NBPF15: variants seen among roughly 807,000 people sequenced by gnomAD.
NBPF15 encodes the protein NBPF family member NBPF15.
In NBPF15, 74 loss-of-function variants were observed where a neutral mutation model predicts 62.2. The observed-to-expected ratio is 1.19, with a 90% CI of 0.99 to 1.44. The LOEUF (loss-of-function observed/expected upper bound fraction) is 1.44, where lower values mean the gene tolerates loss of function less well. NBPF15 is among the 40% of genes most tolerant of loss of function. The pLI, the probability that NBPF15 is intolerant of heterozygous loss-of-function variation, is 0.00. For missense variants in NBPF15, 790 were observed against 550.0 expected (o/e 1.44, Z -4.36); for synonymous variants, 244 against 209.7 (o/e 1.16, Z -1.41).
rs1340485358 is a variant in NBPF15, at chr1:144,441,755, T to A, written c.-190-1460A>T. Among the ~76,000 whole-genome samples the A allele has an allele frequency of 3.3e-5, 5 of 151,804 alleles. 1 individual carries two copies. The South Asian group carries it at 1.0e-3, about 32-fold the overall frequency. On this transcript the variant is annotated intron_variant, in intron 6 of 21. Coordinates refer to ENST00000581897, the MANE Select transcript of NBPF15 (RefSeq NM_001385408.1). The stretch of plus-strand genomic sequence containing the variant: ...ATTTTTCCTTTACAAGGTTTCTAAT[T>A]TAACTTTCACATCTTAAGTTAATTT...
intron 5 of NBPF15, 36 bp from the exon 6 acceptor site, chr1:144,448,952 C>A: frequency 3.7e-6 from 1 of 268,000 alleles, no homozygotes. Flanking sequence ...TTTACCTCCC[C>A]AGAGGAAAAG....
Position 144,423,097 on chromosome 1 carries a change from G to A in NBPF15, c.1929C>T (p.Ala643=), listed in dbSNP as rs782269306. Reference sequence around the variant, plus strand: ...TAAAAAACCTATTGTCCACGTAAAGGGCGAAGCTGATATGCTCTTCCTCAA... The same window carrying A: ...TAAAAAACCTATTGTCCACGTAAAGAGCGAAGCTGATATGCTCTTCCTCAA... ...YSFEEEHISF[A]LYVDNRFFTL... is the part of the protein sequence containing the mutation. Residue 643 remains alanine, a synonymous_variant, in exon 22 of 22, where the codon GCC becomes GCT. Coordinates refer to ENST00000581897, the MANE Select transcript of NBPF15 (RefSeq NM_001385408.1). 1.9e-6 allele frequency: 3 copies of A among 1,611,604 alleles called. No individual in the cohort carries two copies. In the South Asian group the frequency reaches 3.3e-5, roughly 18 times the overall value.
At position 144,439,797 on chromosome 1, in the gene NBPF15, C is replaced by T. The variant is rs1553542201; in HGVS notation, c.175+32G>A. On this transcript the variant is annotated intron_variant, in intron 8 of 21. Transcript: ENST00000581897. ...AGAGAGAAGACAGGACATCATTCATCACTTTCATGACGGTGAGCCTATAGA... is the reference window on the plus strand; with the variant it reads ...AGAGAGAAGACAGGACATCATTCATTACTTTCATGACGGTGAGCCTATAGA... 10 of 1,540,140 alleles carry T rather than the reference C, an allele frequency of 6.5e-6. 1 individual carries two copies. Among genetic ancestry groups the T allele is most frequent in the East Asian group, 2.2e-5 (1 of 44,560 alleles).
chr1:144,447,874 T>A (rs1553544634), intron 6 of NBPF15, among the ~76,000 whole-genome samples: 1 of 151,630 alleles, frequency 6.6e-6, no homozygotes, highest in Non-Finnish European at 1.5e-5. Flanking sequence ...GGTTGAAGAG[T>A]ACACAGAGAC....
rs782661793 is a variant in NBPF15 at position 144,426,391 on chromosome 1, C to G, written c.1325G>C (p.Arg442Thr). The change falls in exon 18 of 22, where the codon AGA (arginine) becomes ACA (threonine). Residue 442 changes from arginine (R) to threonine (T), a missense_variant. By Grantham distance (71) the Arg-to-Thr change is moderately conservative (BLOSUM62 -1). Transcript: ENST00000581897. ...ATAATCTGAAGGAGTCGAATAACAT[C>G]TATCCAGTGAGTCCTGCAAGACTTC... Reference protein sequence around the residue: ...EPEVLQDSLDRCYSTPSDYLE... With the variant: ...EPEVLQDSLDTCYSTPSDYLE... 1.2e-6 allele frequency: 1 copy of G among 829,350 alleles called. No homozygotes were observed. The highest frequency in any genetic ancestry group is 2.1e-6 in the Non-Finnish European group (1 of 465,124). 51.4% of individuals were successfully genotyped at this position (829,350 alleles called of 1,614,324 possible).
chr1:144,428,943 T>A (rs1428825611), intron 14 of NBPF15, among the ~76,000 whole-genome samples: 1 of 152,038 alleles, frequency 6.6e-6, no homozygotes, highest in Admixed American at 6.6e-5. Context: ...CAATAAATTG[T>A]AGGCAAATAG....
At chr1:144,449,807 ATGTC>A (rs1225367600) in intron 5 of NBPF15, among the ~76,000 whole-genome samples, 1 of 151,636 alleles carries the variant, frequency 6.6e-6, no homozygotes, top group Non-Finnish European at 1.5e-5. Flanking sequence ...TTGTTATTCT[ATGTC>A]TGTCCCATCA....
intron 3 of NBPF15, among the ~76,000 whole-genome samples, chr1:144,458,867 CA>C (rs113302061): frequency 2.0e-5 from 3 of 151,646 alleles, no homozygotes; most frequent in South Asian, 4.2e-4. Flanking sequence ...TGTTGAATCC[CA>C]ATCTCTACAA....
At chr1:144,458,791 A>T (rs1324326192) in intron 3 of NBPF15, among the ~76,000 whole-genome samples, 1 of 152,090 alleles carries the variant, frequency 6.6e-6, no homozygotes, top group Non-Finnish European at 1.5e-5. Context: ...TGTAATCCCC[A>T]CACTCTGGGA....
At chr1:144,432,250 G>A (rs1266781313) in intron 13 of NBPF15, among the ~76,000 whole-genome samples, 1 of 151,786 alleles carries the variant, frequency 6.6e-6, no homozygotes, top group Non-Finnish European at 1.5e-5. Flanking sequence ...TTACAGAGAA[G>A]CAAATGCTGA....
intron 20 of NBPF15, among the ~76,000 whole-genome samples, chr1:144,424,466 T>C (rs1430640039): frequency 1.3e-5 from 2 of 151,958 alleles, no homozygotes; most frequent in Non-Finnish European, 1.5e-5. Context: ...AGAATCAGAG[T>C]GCCACAGGCA....
At chr1:144,423,757 G>A (rs1449661880) in intron 21 of NBPF15, 113 bp downstream of exon 21, 3 of 703,534 alleles carry the variant, frequency 4.3e-6, no homozygotes, top group African/African-American at 3.5e-5. Flanking sequence ...AATGACAGTA[G>A]GAGTAATTCA....
chr1:144,447,760 T>C (rs1688606708), intron 6 of NBPF15, among the ~76,000 whole-genome samples: 1 of 152,104 alleles, frequency 6.6e-6, no homozygotes, highest in African/African-American at 2.4e-5. Flanking sequence ...TTTCAACTGT[T>C]GTTCCAACAG....
chr1:144,428,197 A>G (rs1571112484), intron 15 of NBPF15, among the ~76,000 whole-genome samples: 1 of 151,548 alleles, frequency 6.6e-6, no homozygotes, highest in East Asian at 1.9e-4. Context: ...ACACACACAC[A>G]CACACACACA....
At chr1:144,434,422 A>T (rs1372108764) in intron 12 of NBPF15, among the ~76,000 whole-genome samples, 1 of 148,208 alleles carries the variant, frequency 6.7e-6, no homozygotes, top group African/African-American at 2.5e-5. Flanking sequence ...AATCACTTGA[A>T]TCTGGGAGGG....
At chr1:144,442,561 C>T (rs1297990992) in intron 6 of NBPF15, 2 of 152,282 alleles carry the variant, frequency 1.3e-5, no homozygotes, top group East Asian at 2.0e-4. Flanking sequence ...ACAGCAGCGA[C>T]CAGAGGAGCC....
Position 144,440,240 on chromosome 1 carries a change from T to C in NBPF15, c.-135A>G. The stretch of plus-strand genomic sequence containing the variant: ...AACTCAGAGCTGAAAGCACTGTCAG[T>C]AGCGCAGACTCTGATAAGAGTGAGG... On this transcript the variant is annotated 5_prime_UTR_variant, in exon 7 of 22. Coordinates refer to ENST00000581897, the MANE Select transcript of NBPF15 (RefSeq NM_001385408.1). 6.6e-7 allele frequency: 1 copy of C among 1,518,914 alleles called. No individual in the cohort carries two copies. Among genetic ancestry groups the C allele is most frequent in the Non-Finnish European group, 8.8e-7 (1 of 1,131,556 alleles). The allele number at this position is 1,518,914 out of a possible 1,614,324, so 94.1% of individuals were successfully genotyped here. A position where few individuals can be genotyped will look rare whatever the true frequency, so the allele number is the denominator to read the frequency against.
chr1:144,422,898 T>A lies in NBPF15; in HGVS notation c.*115A>T, dbSNP rs76644893. 2.5e-6 allele frequency: 4 copies of A among 1,607,068 alleles called. No individual in the cohort carries two copies. The highest frequency in any genetic ancestry group is 2.2e-5 in the East Asian group (1 of 44,856). On this transcript the variant is annotated 3_prime_UTR_variant, in exon 22 of 22. Coordinates refer to ENST00000581897, the MANE Select transcript of NBPF15 (RefSeq NM_001385408.1). ...TTTGAGAATAGGAATAGAGCCATGCTCACTGACCCATCCTATGTCTGGGCT... is the reference window on the plus strand; with the variant it reads ...TTTGAGAATAGGAATAGAGCCATGCACACTGACCCATCCTATGTCTGGGCT...
In NBPF15 at chr1:144,423,137, C is replaced by A; in HGVS notation, c.1889G>T (p.Ser630Ile). ...EQPDSFQHYR[S>I]VFYSFEEEHI... is the part of the protein sequence containing the mutation. ...CTCTTCCTCAAATGAGTAAAACACA[C>A]TTCTGTAGTGCTGGAATGAGTCAGG... The change falls in exon 22 of 22, where the codon AGT becomes ATT. Residue 630 changes from serine to isoleucine, a missense_variant. Coordinates refer to ENST00000581897, the MANE Select transcript of NBPF15 (RefSeq NM_001385408.1). The A allele has an allele frequency of 1.9e-6, 3 of 1,611,598 alleles. No individual in the cohort carries two copies. The highest frequency in any genetic ancestry group is 2.2e-5 in the East Asian group (1 of 44,864).
Sources: allele counts gnomAD v4.1 joint callset (sites outside exome capture counted in the v4.1 genomes callset), GRCh38; gene constraint gnomAD v4.1.1; transcripts MANE v1.5; gene names NCBI Gene and HGNC (gene_info 2026-07-23, HGNC 2026-07-21).